The following ADAMTS12 variants were observed in gnomAD, a reference collection of about 807,000 sequenced individuals.
ADAMTS12 encodes the protein ADAM metallopeptidase with thrombospondin type 1 motif 12.
In ADAMTS12, 118 loss-of-function variants were observed where a neutral mutation model predicts 167.8. That is an observed-to-expected ratio of 0.70 (90% CI 0.61 to 0.82). ADAMTS12 has a LOEUF of 0.82. Among genes scored for constraint, ADAMTS12 ranks in the 40% least tolerant of loss-of-function variants. The pLI, the probability that ADAMTS12 is intolerant of heterozygous loss-of-function variation, is 0.00. For synonymous variants in ADAMTS12, 704 were observed against 716.9 expected, an observed-to-expected ratio of 0.98 and a Z score of 0.29; for missense variants, 1,916 against 1,998.8, an observed-to-expected ratio of 0.96 and a Z score of 0.79.
chr5:33,701,034 C>T (rs1374581076), intron 3 of ADAMTS12, among the ~76,000 whole-genome samples: 2 of 151,998 alleles, frequency 1.3e-5, no homozygotes, highest in Non-Finnish European at 2.9e-5. Context: ...GACTTAGCAC[C>T]AAGAATAGCA....
intron 19 of ADAMTS12, among the ~76,000 whole-genome samples, chr5:33,572,357 C>T (rs1053072730): frequency 6.7e-4 from 102 of 152,142 alleles, no homozygotes; most frequent in African/African-American, 2.4e-3. Context: ...CAATAAAATA[C>T]TGGCAAACTG....
At chr5:33,886,267 G>A (rs1207833782) in intron 1 of ADAMTS12, among the ~76,000 whole-genome samples, 3 of 152,178 alleles carry the variant, frequency 2.0e-5, no homozygotes, top group Non-Finnish European at 4.4e-5. Context: ...GCCAATTTAA[G>A]TTGGCTGTAG....
chr5:33,830,632 T>C (rs571117227), intron 2 of ADAMTS12, among the ~76,000 whole-genome samples: 1 of 152,048 alleles, frequency 6.6e-6, no homozygotes, highest in South Asian at 2.1e-4. Context: ...CTATTAAAAA[T>C]TGAAAAAAAA....
At chr5:33,573,808 C>T (rs1282325200) in intron 19 of ADAMTS12, among the ~76,000 whole-genome samples, 2 of 152,116 alleles carry the variant, frequency 1.3e-5, no homozygotes, top group Non-Finnish European at 2.9e-5. Context: ...AGTGAACAGG[C>T]AACCTACAAA....
At chr5:33,876,309 G>T (rs983371877) in intron 2 of ADAMTS12, among the ~76,000 whole-genome samples, 1 of 152,050 alleles carries the variant, frequency 6.6e-6, no homozygotes, top group Non-Finnish European at 1.5e-5. Context: ...TTATATGGAA[G>T]GACAGAGAAA....
At position 33,526,937 on chromosome 5, in the gene ADAMTS12, G is replaced by A. The variant is rs1395319068; in HGVS notation, c.*251C>T. On this transcript the variant is annotated 3_prime_UTR_variant, in exon 24 of 24. Coordinates refer to ENST00000504830, the MANE Select transcript of ADAMTS12 (RefSeq NM_030955.4). ...GTCTAACCTGGCACCTTTCCCAGGA[G>A]CCGATACCAGGTGCTGCCTGATTCT... 1 of 464,914 alleles carries A rather than the reference G, an allele frequency of 2.2e-6. No individual in the cohort carries two copies. Among genetic ancestry groups the A allele is most frequent in the Non-Finnish European group, 3.8e-6 (1 of 260,810 alleles). 28.8% of individuals were successfully genotyped at this position (464,914 alleles called of 1,614,324 possible).
chr5:33,534,307 T>C (rs56338567), intron 23 of ADAMTS12, among the ~76,000 whole-genome samples: 3,484 of 114,002 alleles, frequency 0.031, 138 homozygotes, highest in African/African-American at 0.14. Context: ...GCACCCTGGC[T>C]GTGTCTCCTC....
intron 22 of ADAMTS12, among the ~76,000 whole-genome samples, chr5:33,537,615 A>G (rs1332690149): frequency 6.6e-6 from 1 of 152,244 alleles, no homozygotes; most frequent in Non-Finnish European, 1.5e-5. Context: ...ATCCTTCGGT[A>G]GCAACCTCCT....
chr5:33,874,845 A>C (rs752030334), intron 2 of ADAMTS12, among the ~76,000 whole-genome samples: 16 of 152,158 alleles, frequency 1.1e-4, no homozygotes, highest in Non-Finnish European at 1.8e-4. Flanking sequence ...TGAGGTGGGC[A>C]GATTATGAGG....
intron 2 of ADAMTS12, among the ~76,000 whole-genome samples, chr5:33,865,961 G>A (rs1243582131): frequency 1.3e-5 from 2 of 152,106 alleles, no homozygotes; most frequent in African/African-American, 4.8e-5. Flanking sequence ...AATCACAGAT[G>A]ATACAAACAA....
Position 33,534,300 on chromosome 5 carries a change from C to T in ADAMTS12, c.4606+533G>A, listed in dbSNP as rs142344380. Among the ~76,000 whole-genome samples the T allele has an allele frequency of 7.9e-4, 101 of 127,952 alleles. 2 individuals are homozygous for T. In the East Asian group the frequency reaches 0.024, roughly 30 times the overall value. 83.9% of individuals were successfully genotyped at this position (127,952 alleles called of 152,430 possible). Reference sequence around the variant, plus strand: ...TAGGACTCAGGTTCCTGAGAAGGCACCCTGGCTGTGTCTCCTCGTTTTCCA... The same window carrying T: ...TAGGACTCAGGTTCCTGAGAAGGCATCCTGGCTGTGTCTCCTCGTTTTCCA... On this transcript the variant is annotated intron_variant, in intron 23 of 23. Transcript: ENST00000504830.
At chr5:33,620,587 G>T (rs989605417) in intron 14 of ADAMTS12, among the ~76,000 whole-genome samples, 1 of 152,134 alleles carries the variant, frequency 6.6e-6, no homozygotes, top group Non-Finnish European at 1.5e-5. Context: ...CTGCATCTTT[G>T]GTTTGTTTAC....
intron 22 of ADAMTS12, among the ~76,000 whole-genome samples, chr5:33,541,520 G>C (rs1458650233): frequency 6.6e-6 from 1 of 152,116 alleles, no homozygotes; most frequent in African/African-American, 2.4e-5. Context: ...GCAACCCTAA[G>C]ACACATAATT....
intron 22 of ADAMTS12, among the ~76,000 whole-genome samples, chr5:33,540,474 T>C (rs188363419): frequency 6.6e-6 from 1 of 152,314 alleles, no homozygotes; most frequent in East Asian, 1.9e-4. Context: ...CAGCATGGTG[T>C]TTGAGCTCTG....
intron 3 of ADAMTS12, among the ~76,000 whole-genome samples, chr5:33,732,059 A>G (rs1020201981): frequency 2.6e-5 from 4 of 152,156 alleles, no homozygotes; most frequent in Non-Finnish European, 4.4e-5. Context: ...ATAGGGTGAC[A>G]GCATAGATTA....
rs1488384923 is a variant in ADAMTS12, at chr5:33,561,007, T to C, written c.4125+20A>G. 1 of 1,613,592 alleles carries C rather than the reference T, an allele frequency of 6.2e-7. No individual in the cohort carries two copies. The highest frequency in any genetic ancestry group is 1.3e-5 in the African/African-American group (1 of 74,820). ...CCCACCTTCTCTACCTCCAAGACTCTGCCAAGCCTGATAAGTTACCTTGCT... is the reference window on the plus strand; with the variant it reads ...CCCACCTTCTCTACCTCCAAGACTCCGCCAAGCCTGATAAGTTACCTTGCT... On this transcript the variant is annotated intron_variant, in intron 20 of 23. Coordinates refer to ENST00000504830, the MANE Select transcript of ADAMTS12 (RefSeq NM_030955.4).
intron 16 of ADAMTS12, among the ~76,000 whole-genome samples, chr5:33,609,171 G>T (rs894111160): frequency 1.3e-5 from 2 of 152,064 alleles, no homozygotes; most frequent in African/African-American, 4.8e-5. Flanking sequence ...AAGGAAACTG[G>T]ATTCCTACTT....
Position 33,576,063 on chromosome 5 carries a change from G to A in ADAMTS12, c.3963C>T (p.Asn1321=). The A allele has an allele frequency of 6.2e-7, 1 of 1,612,498 alleles. No homozygotes were observed. Among genetic ancestry groups the A allele is most frequent in the Non-Finnish European group, 8.5e-7 (1 of 1,178,962 alleles). ...GTAGGAAATGTCTTACCTCGCTCCA[G>A]TTTCCGACGATCCAGTGTGCAGAGC... ...GHGSAHWIVG[N]WSECSTTCGL... is the part of the protein sequence containing the mutation. Residue 1321 remains asparagine, a synonymous_variant, in exon 19 of 24, where the codon AAC becomes AAT. Coordinates refer to ENST00000504830, the MANE Select transcript of ADAMTS12 (RefSeq NM_030955.4).
chr5:33,591,104 G>GTGTC (rs149905578), intron 17 of ADAMTS12, among the ~76,000 whole-genome samples: 5,157 of 148,814 alleles, frequency 0.035, 140 homozygotes, highest in Admixed American at 0.052. Flanking sequence ...GTGTGTGTGT[G>GTGTC]TATGTGTGTG....
Sources: gnomAD v4.1 joint callset for allele counts (sites outside exome capture counted in the v4.1 genomes callset) on GRCh38, gnomAD v4.1.1 for gene constraint, MANE v1.5 for transcripts, NCBI Gene and HGNC (gene_info 2026-07-23, HGNC 2026-07-21) for gene names.